The following SFRP2 variants were observed in gnomAD, a reference collection of about 807,000 sequenced individuals.
SFRP2 encodes secreted frizzled-related protein 2.
SFRP2 carries 16 observed loss-of-function variants against 26.0 expected under a neutral mutation model. The ratio of observed to expected loss-of-function variants is 0.61; its 90% CI spans 0.42 to 0.93. The LOEUF is 0.93. Ranked by LOEUF, SFRP2 falls within the 40% of genes least tolerant of loss-of-function variation. SFRP2 has a pLI of 0.00. For missense variants in SFRP2, 343 were observed against 392.4 expected, an observed-to-expected ratio of 0.87 and a Z score of 1.06; for synonymous variants, 173 against 167.3, an observed-to-expected ratio of 1.03 and a Z score of -0.26.
rs112745055 is a variant in SFRP2, at chr4:153,785,839, CTGTTGT to C, written c.583+19_583+24del. 3.2e-5 allele frequency: 44 copies of C among 1,394,784 alleles called. 2 individuals carry two copies. The highest frequency in any genetic ancestry group is 4.0e-4 in the Middle Eastern group (2 of 5,056). The allele number at this position is 1,394,784 out of a possible 1,614,324, so 86.4% of individuals were successfully genotyped here. A position where few individuals can be genotyped will look rare whatever the true frequency, so the allele number is the denominator to read the frequency against. On this transcript the variant is annotated intron_variant, in intron 2 of 2. Coordinates refer to ENST00000274063, the MANE Select transcript of SFRP2 (RefSeq NM_003013.3). ...TAAATAAAACTTCTGAATGTGAAAT[CTGTTGT>C]TGTTGTTGTATTACTTACCAAAATC...
rs575096800 is a variant in SFRP2, at chr4:153,788,646, G to A, written c.190C>T (p.Leu64=). The A allele has an allele frequency of 8.1e-6, 13 of 1,614,184 alleles. No individual in the cohort carries two copies. In the East Asian group the frequency reaches 2.9e-4, roughly 36 times the overall value. Residue 64 remains leucine, a synonymous_variant, in exon 1 of 3, where the codon CTG becomes TTG. Coordinates refer to ENST00000274063, the MANE Select transcript of SFRP2 (RefSeq NM_003013.3). ...ACCTCCTTCATGGTCTCGTGGCCCA[G>A]CAGGTTGGGCAGCCGCATGTTCTGG... is the stretch of plus-strand genomic sequence containing the variant. ...EYQNMRLPNL[L]GHETMKEVLE...
At position 153,789,046 on chromosome 4, in the gene SFRP2, C is replaced by G. The variant is rs980214849; in HGVS notation, c.-211G>C. On this transcript the variant is annotated 5_prime_UTR_variant, in exon 1 of 3. Coordinates refer to ENST00000274063, the MANE Select transcript of SFRP2 (RefSeq NM_003013.3). The stretch of plus-strand genomic sequence containing the variant: ...CAAGCCCGCGCGCAGCTCCGGGGGG[C>G]TCCGACCCGGGGGAGCAGAATGAGC... The G allele has an allele frequency of 5.5e-5, 29 of 529,812 alleles. No homozygotes were observed. Among genetic ancestry groups the G allele is most frequent in the Non-Finnish European group, 7.7e-5 (24 of 313,146 alleles). 32.8% of individuals were successfully genotyped at this position (529,812 alleles called of 1,614,324 possible).
chr4:153,786,060 C>T (rs1253444145), intron 1 of SFRP2, 116 bp from the exon 2 acceptor site: 5 of 535,354 alleles, frequency 9.3e-6, no homozygotes, highest in African/African-American at 4.0e-5. Context: ...CCTATTTAAC[C>T]TCAGCTTCTG....
At chr4:153,785,245 G>A (rs1206919232) in intron 2 of SFRP2, among the ~76,000 whole-genome samples, 2 of 152,070 alleles carry the variant, frequency 1.3e-5, no homozygotes, top group South Asian at 4.2e-4. Context: ...TTTTAAAAGG[G>A]ATTTTAAGAT....
chr4:153,785,429 T>C (rs1383901689), intron 2 of SFRP2, among the ~76,000 whole-genome samples: 1 of 151,874 alleles, frequency 6.6e-6, no homozygotes, highest in Non-Finnish European at 1.5e-5. Context: ...AAAGTAAAAA[T>C]ATTTTTATTT....
chr4:153,785,971 T>C, intron 1 of SFRP2, 27 bp from the exon 2 acceptor site: 1 of 1,494,784 alleles, frequency 6.7e-7, no homozygotes, highest in Non-Finnish European at 9.1e-7. Context: ...CAGTCTTTAG[T>C]AAGTTTGCTT....
intron 2 of SFRP2, among the ~76,000 whole-genome samples, chr4:153,782,182 T>C (rs1741131550): frequency 6.6e-6 from 1 of 152,228 alleles, no homozygotes; most frequent in African/African-American, 2.4e-5. Flanking sequence ...AAGTTTAAAC[T>C]CAATTTATTA....
At chr4:153,786,136 G>T (rs899888488) in intron 1 of SFRP2, among the ~76,000 whole-genome samples, 192 bp from the exon 2 acceptor site, 1 of 152,096 alleles carries the variant, frequency 6.6e-6, no homozygotes, top group South Asian at 2.1e-4. Context: ...AATTTTTTTG[G>T]GGGGGAGGGG....
intron 1 of SFRP2, among the ~76,000 whole-genome samples, chr4:153,788,087 T>C (rs377619847): frequency 1.3e-5 from 2 of 152,362 alleles, no homozygotes; most frequent in African/African-American, 4.8e-5. Context: ...TTTGTTTTAT[T>C]TTTAAACTGC....
Position 153,789,025 on chromosome 4 carries a change from C to G in SFRP2, c.-190G>C. 1.7e-6 allele frequency: 1 copy of G among 603,752 alleles called. No individual in the cohort carries two copies. Among genetic ancestry groups the G allele is most frequent in the Non-Finnish European group, 2.7e-6 (1 of 373,324 alleles). 37.4% of individuals were successfully genotyped at this position (603,752 alleles called of 1,614,324 possible). A position where few individuals can be genotyped will look rare whatever the true frequency, so the allele number is the denominator to read the frequency against. On this transcript the variant is annotated 5_prime_UTR_variant, in exon 1 of 3. Transcript: ENST00000274063. ...GACAGCGCGGGCGAGGCGCTGCAAG[C>G]CCGCGCGCAGCTCCGGGGGGCTCCG...
chr4:153,784,319 C>T (rs1741166984), intron 2 of SFRP2, among the ~76,000 whole-genome samples: 1 of 152,110 alleles, frequency 6.6e-6, no homozygotes, highest in Admixed American at 6.5e-5. Flanking sequence ...TTTGGTAAGG[C>T]TCTGGTGATT....
Position 153,781,734 on chromosome 4 carries a change from T to C in SFRP2, c.605A>G (p.Glu202Gly), listed in dbSNP as rs1560809804. Residue 202 changes from glutamate (E) to glycine (G), a missense_variant, in exon 3 of 3, where the codon GAG (glutamate) becomes GGG (glycine). Around this residue, in one of 2 missense-constraint regions of SFRP2, gnomAD observed 92 missense variants for 139.0 expected, o/e 0.66. Transcript: ENST00000274063. The stretch of plus-strand genomic sequence containing the variant: ...GGTATCTCGGTTGATGTAGGTTATC[T>C]CCTTCACTTTTATTTTCAGTGCTAT... The part of the protein sequence containing the change: ...NDFALKIKVK[E>G]ITYINRDTKI... The C allele has an allele frequency of 5.0e-6, 8 of 1,613,858 alleles. No homozygotes were observed. The highest frequency in any genetic ancestry group is 6.8e-6 in the Non-Finnish European group (8 of 1,179,768).
At chr4:153,787,745 A>C (rs1252132895) in intron 1 of SFRP2, among the ~76,000 whole-genome samples, 1 of 152,208 alleles carries the variant, frequency 6.6e-6, no homozygotes, top group African/African-American at 2.4e-5. Flanking sequence ...AATTTTCCAC[A>C]CACTCCGTGC....
rs771576600 is a variant in SFRP2, at chr4:153,788,859, G to T, written c.-24C>A. 6.4e-7 allele frequency: 1 copy of T among 1,554,678 alleles called. No individual in the cohort carries two copies. The highest frequency in any genetic ancestry group is 1.8e-5 in the Admixed American group (1 of 54,228). On this transcript the variant is annotated 5_prime_UTR_variant, in exon 1 of 3. Transcript: ENST00000274063. Reference sequence around the variant, plus strand: ...ATCGTGGGCGCGCGACCCCGAGGGGGCAGAGGGAGCGGAGCCGGGGAAGGG... The same window carrying T: ...ATCGTGGGCGCGCGACCCCGAGGGGTCAGAGGGAGCGGAGCCGGGGAAGGG...
Position 153,788,338 on chromosome 4 carries a change from C to T in SFRP2, c.498G>A (p.Glu166=), listed in dbSNP as rs1741247091. 1 of 1,609,816 alleles carries T rather than the reference C, an allele frequency of 6.2e-7. No individual in the cohort carries two copies. The highest frequency in any genetic ancestry group is 8.5e-7 in the Non-Finnish European group (1 of 1,177,272). The change falls in exon 1 of 3, where the codon GAG becomes GAA. Residue 166 remains glutamate (E), a synonymous_variant. Coordinates refer to ENST00000274063, the MANE Select transcript of SFRP2 (RefSeq NM_003013.3). ...ASSDHLLPAT[E]EAPKVCEACK... is the part of the protein sequence containing the mutation. ...GAAGCAAGAGGGAAGGCTTACCTTC[C>T]TCGGTGGCTGGCAGGAGGTGGTCGC...
intron 2 of SFRP2, among the ~76,000 whole-genome samples, chr4:153,785,554 C>CAAAAA (rs369450385): frequency 0.36 from 16,809 of 46,376 alleles, 4,085 homozygotes; most frequent in East Asian, 0.5. Flanking sequence ...TGCCTGTCGG[C>CAAAAA]AAAAAAAAAA....
intron 1 of SFRP2, 143 bp from the exon 2 acceptor site, chr4:153,786,087 A>G: frequency 1.9e-6 from 1 of 527,510 alleles, no homozygotes; most frequent in Non-Finnish European, 3.3e-6. Flanking sequence ...CTATAAAAGC[A>G]GGAACACTCA....
intron 2 of SFRP2, 122 bp downstream of exon 2, chr4:153,785,742 G>A (rs1372594800): frequency 1.6e-6 from 1 of 606,270 alleles, no homozygotes; most frequent in Non-Finnish European, 2.8e-6. Context: ...TGGGATACAT[G>A]AGCTATAATG....
intron 1 of SFRP2, among the ~76,000 whole-genome samples, chr4:153,788,037 G>A (rs1272432307): frequency 1.3e-5 from 2 of 152,106 alleles, no homozygotes; most frequent in Admixed American, 1.3e-4. Context: ...TTAAACCGCC[G>A]TTCAGTTCTT....
Sources: gnomAD v4.1 joint callset for allele counts (sites outside exome capture counted in the v4.1 genomes callset) on GRCh38, gnomAD v4.1.1 for gene constraint, gnomAD v4.1.1 regional missense constraint, MANE v1.5 for transcripts, NCBI Gene and HGNC (gene_info 2026-07-23, HGNC 2026-07-21) for gene names.